Variants in RTTN observed in about 807,000 individuals in gnomAD.
RTTN encodes the protein rotatin.
In RTTN, 182 loss-of-function variants were observed where a neutral mutation model predicts 269.2. The ratio of observed to expected loss-of-function variants is 0.68; its 90% CI spans 0.60 to 0.76. RTTN has a LOEUF of 0.76. RTTN is among the 30% of genes least tolerant of loss of function. RTTN has a pLI of 0.00. For synonymous variants in RTTN, 1,006 were observed against 963.5 expected, an observed-to-expected ratio of 1.04 and a Z score of -0.82; for missense variants, 2,545 against 2,608.6, an observed-to-expected ratio of 0.98 and a Z score of 0.53.
At chr18:70,142,063 GC>G (rs2060270238) in intron 19 of RTTN, among the ~76,000 whole-genome samples, 1 of 152,106 alleles carries the variant, frequency 6.6e-6, no homozygotes, top group South Asian at 2.1e-4. Context: ...ATGTTGTTAG[GC>G]TTTGCTAGAC....
intron 28 of RTTN, among the ~76,000 whole-genome samples, chr18:70,101,132 A>C (rs1300530937): frequency 6.6e-6 from 1 of 152,164 alleles, no homozygotes; most frequent in African/African-American, 2.4e-5. Flanking sequence ...TATTGACTGG[A>C]ATAGTTTCAG....
At chr18:70,151,149 T>A (rs1026609695) in intron 14 of RTTN, among the ~76,000 whole-genome samples, 1 of 148,060 alleles carries the variant, frequency 6.8e-6, no homozygotes, top group African/African-American at 2.4e-5. Flanking sequence ...ATATACTATA[T>A]ATATTTATAT....
At chr18:70,200,000 CA>C (rs2061909566) in intron 4 of RTTN, among the ~76,000 whole-genome samples, 1 of 152,166 alleles carries the variant, frequency 6.6e-6, no homozygotes, top group South Asian at 2.1e-4. Context: ...GGTCAAAAAA[CA>C]AGTATCAGTG....
In RTTN at chr18:70,030,929, G is replaced by C. The variant is rs1268226311; in HGVS notation, c.5594C>G (p.Ala1865Gly). 6.2e-7 allele frequency: 1 copy of C among 1,613,554 alleles called. No individual in the cohort carries two copies. The highest frequency in any genetic ancestry group is 1.7e-5 in the Admixed American group (1 of 59,876). The part of the protein sequence containing the change: ...KDILKRVAAN[A>G]LMSLLAVSRR... ...ACTGACAGCCAGCAGTGACATCAAT[G>C]CATTTGCAGCTACTCTTTTCAGGAT... is the stretch of plus-strand genomic sequence containing the variant. Residue 1865 changes from alanine (A) to glycine (G), a missense_variant, in exon 41 of 49, where the codon GCA (alanine) becomes GGA (glycine). Transcript: ENST00000640769.
chr18:70,158,913 C>A (rs879603698), intron 14 of RTTN, among the ~76,000 whole-genome samples: 185 of 152,098 alleles, frequency 1.2e-3, no homozygotes, highest in Non-Finnish European at 2.1e-3. Flanking sequence ...AAATATAATG[C>A]ACCCAGCATT....
At chr18:70,087,929 C>G (rs1306501958) in intron 31 of RTTN, 60 bp downstream of exon 31, 1 of 1,556,304 alleles carries the variant, frequency 6.4e-7, no homozygotes. Context: ...AGTCAAGTAT[C>G]GCTTACGGAT....
Position 70,121,671 on chromosome 18 carries a change from T to G in RTTN, c.3413A>C (p.Glu1138Ala). 1 of 1,563,736 alleles carries G rather than the reference T, an allele frequency of 6.4e-7. No individual in the cohort carries two copies. The highest frequency in any genetic ancestry group is 8.6e-7 in the Non-Finnish European group (1 of 1,162,236). The change falls in exon 26 of 49, where the codon GAA becomes GCA. Residue 1138 changes from glutamate to alanine, a missense_variant. Transcript: ENST00000640769. Reference protein sequence around the residue: ...RFLQVLPACTEDEKLLIDIIH... With the variant: ...RFLQVLPACTADEKLLIDIIH... ...GATATCTATTAGCAGTTTCTCATCT[T>G]CAGTGCAAGCAGGAAGCACCTGTAA...
chr18:70,146,191 C>T (rs577172189), intron 17 of RTTN, among the ~76,000 whole-genome samples: 157 of 152,278 alleles, frequency 1.0e-3, no homozygotes, highest in Non-Finnish European at 2.0e-3. Flanking sequence ...AGAGTAATGA[C>T]GCTCATAATG....
intron 44 of RTTN, among the ~76,000 whole-genome samples, chr18:70,022,093 G>C (rs367983624): frequency 6.6e-6 from 1 of 151,970 alleles, no homozygotes. Context: ...TTAAATTTAT[G>C]ACCATAAGTG....
chr18:70,166,403 G>A, intron 13 of RTTN: 1 of 362,352 alleles, frequency 2.8e-6, no homozygotes, highest in Non-Finnish European at 4.9e-6. Context: ...AACCCAAAAT[G>A]TCTTTAAAAT....
intron 17 of RTTN, among the ~76,000 whole-genome samples, chr18:70,148,057 T>G (rs1301959056): frequency 6.6e-6 from 1 of 152,156 alleles, no homozygotes; most frequent in East Asian, 1.9e-4. Context: ...ATTCTCTTAA[T>G]AGTTTAGTTA....
intron 35 of RTTN, 92 bp downstream of exon 35, chr18:70,065,737 T>G: frequency 1.4e-6 from 1 of 699,172 alleles, no homozygotes; most frequent in Non-Finnish European, 2.3e-6. Flanking sequence ...TCATTAAAAT[T>G]TTGTTCTTTA....
Position 70,142,347 on chromosome 18 carries a change from T to C in RTTN, c.2522A>G (p.Asp841Gly), listed in dbSNP as rs1191706996. 2 of 1,607,138 alleles carry C rather than the reference T, an allele frequency of 1.2e-6. No individual in the cohort carries two copies. The highest frequency in any genetic ancestry group is 1.7e-6 in the Non-Finnish European group (2 of 1,177,696). ...VEKVYEIFTS[D>G]DVDLVLRKSA... ...CTTTCTCAAAACGAGATCAACATCA[T>C]CTGAGGTGAAGATTTCATATACCTT... Residue 841 changes from aspartate to glycine, a missense_variant, in exon 19 of 49, where the codon GAT (aspartate) becomes GGT (glycine). By Grantham distance (94) the Asp-to-Gly change is moderately conservative (BLOSUM62 -1). Coordinates refer to ENST00000640769, the MANE Select transcript of RTTN (RefSeq NM_173630.4).
At chr18:70,088,184 A>G (rs746985322) in intron 30 of RTTN, 37 bp from the exon 31 acceptor site, 1 of 1,560,430 alleles carries the variant, frequency 6.4e-7, no homozygotes. Context: ...GAATCAAATA[A>G]GCCTTTTTCC....
intron 14 of RTTN, among the ~76,000 whole-genome samples, chr18:70,165,263 T>A (rs1341307568): frequency 6.6e-6 from 1 of 151,596 alleles, no homozygotes; most frequent in Non-Finnish European, 1.5e-5. Flanking sequence ...TATATACTAA[T>A]CATGCTATAT....
chr18:70,197,875 G>C, intron 5 of RTTN, 137 bp from the exon 6 acceptor site: 3 of 612,644 alleles, frequency 4.9e-6, no homozygotes, highest in Non-Finnish European at 8.7e-6. Flanking sequence ...AGCCTTCCTA[G>C]ATCTTTTCCC....
In RTTN at chr18:70,205,027, CT is replaced by C. The variant is rs531116916; in HGVS notation, c.219+100del. 1.6e-4 allele frequency: 197 copies of C among 1,224,718 alleles called. 1 individual carries two copies. The African/African-American group carries it at 2.4e-3, about 15-fold the overall frequency. The allele number at this position is 1,224,718 out of a possible 1,614,324, so 75.9% of individuals were successfully genotyped here. On this transcript the variant is annotated intron_variant, in intron 2 of 48. Transcript: ENST00000640769. ...AAACATCTCTGGTTGATTAAAAAAA[CT>C]TTTAACCCCAATTATTTAACTTTCA...
intron 11 of RTTN, among the ~76,000 whole-genome samples, chr18:70,176,045 C>A (rs1026050437): frequency 2.6e-5 from 4 of 151,960 alleles, no homozygotes; most frequent in African/African-American, 9.7e-5. Context: ...TTAAAAGATA[C>A]AAGTGTACCA....
intron 28 of RTTN, among the ~76,000 whole-genome samples, chr18:70,105,410 G>A (rs2059295253): frequency 6.6e-6 from 1 of 152,200 alleles, no homozygotes; most frequent in Admixed American, 6.5e-5. Flanking sequence ...GCTTCCCTTG[G>A]CTTGGAAAAG....
Sources: allele counts gnomAD v4.1 joint callset (sites outside exome capture counted in the v4.1 genomes callset), GRCh38; gene constraint gnomAD v4.1.1; transcripts MANE v1.5; gene names NCBI Gene and HGNC (gene_info 2026-07-23, HGNC 2026-07-21).